The following TBC1D15 variants were observed in gnomAD, a reference collection of about 807,000 sequenced individuals.
The protein encoded by TBC1D15 is TBC1 domain family member 15.
In TBC1D15, 39 loss-of-function variants were observed where a neutral mutation model predicts 95.4. The ratio of observed to expected loss-of-function variants is 0.41; its 90% CI spans 0.32 to 0.53. The LOEUF (loss-of-function observed/expected upper bound fraction) is 0.53, where lower values mean the gene tolerates loss of function less well. TBC1D15 is among the 20% of genes least tolerant of loss of function. The pLI is 0.29. For synonymous variants in TBC1D15, 258 were observed against 261.3 expected (o/e 0.99, Z 0.12); for missense variants, 733 against 794.3 (o/e 0.92, Z 0.93).
At chr12:71,885,153 G>A in intron 5 of TBC1D15, 132 bp downstream of exon 5, 1 of 751,870 alleles carries the variant, frequency 1.3e-6, no homozygotes, top group Non-Finnish European at 2.1e-6. Flanking sequence ...AGTTTTTTCT[G>A]GGATATTGAT....
chr12:71,920,659 C>G (rs1425346011), intron 14 of TBC1D15, 72 bp from the exon 15 acceptor site: 11 of 1,172,518 alleles, frequency 9.4e-6, no homozygotes, highest in African/African-American at 1.5e-5. Context: ...ATTCAGTGTT[C>G]AGAATTGTAT....
intron 1 of TBC1D15, among the ~76,000 whole-genome samples, chr12:71,853,392 G>T (rs1888313284): frequency 6.6e-6 from 1 of 152,162 alleles, no homozygotes; most frequent in African/African-American, 2.4e-5. Flanking sequence ...TTTGGGCAGG[G>T]ACACAGATCC....
At chr12:71,906,923 T>A (rs971999631) in intron 10 of TBC1D15, 99 bp from the exon 11 acceptor site, 1 of 601,534 alleles carries the variant, frequency 1.7e-6, no homozygotes, top group Non-Finnish European at 2.7e-6. Flanking sequence ...GTGAGTGAAA[T>A]TAATAGCAAG....
At chr12:71,895,362 T>G (rs1897963916) in intron 7 of TBC1D15, among the ~76,000 whole-genome samples, 1 of 152,108 alleles carries the variant, frequency 6.6e-6, no homozygotes, top group Admixed American at 6.6e-5. Context: ...ATTCTAGGCT[T>G]GTACATAGTT....
At chr12:71,921,326 T>C (rs1330183396) in intron 15 of TBC1D15, 42 bp from the exon 16 acceptor site, 3 of 1,120,136 alleles carry the variant, frequency 2.7e-6, no homozygotes, top group Non-Finnish European at 2.6e-6. Context: ...TATAATAGTG[T>C]ATTCAGTTTC....
At chr12:71,851,677 C>A (rs1220595723) in intron 1 of TBC1D15, among the ~76,000 whole-genome samples, 1 of 152,212 alleles carries the variant, frequency 6.6e-6, no homozygotes, top group Non-Finnish European at 1.5e-5. Flanking sequence ...AGCCTGAAAC[C>A]CAGCAGGGCA....
chr12:71,900,740 T>G (rs1004798149), intron 10 of TBC1D15, among the ~76,000 whole-genome samples: 1 of 152,120 alleles, frequency 6.6e-6, no homozygotes, highest in Admixed American at 6.5e-5. Flanking sequence ...TGTGGTATGT[T>G]AGTGATACAT....
chr12:71,880,385 TACAA>T (rs1894894448), intron 3 of TBC1D15, 80 bp from the exon 4 acceptor site: 1 of 1,223,664 alleles, frequency 8.2e-7, no homozygotes. Context: ...GCAGCCTGCC[TACAA>T]ACATTGAAGC....
At chr12:71,912,444 G>A (rs1265257895) in intron 11 of TBC1D15, among the ~76,000 whole-genome samples, 3 of 151,782 alleles carry the variant, frequency 2.0e-5, no homozygotes, top group African/African-American at 7.3e-5. Context: ...GAAAGATGTG[G>A]TGGTAAGATG....
At chr12:71,875,891 G>A (rs1458363132) in intron 3 of TBC1D15, among the ~76,000 whole-genome samples, 2 of 151,974 alleles carry the variant, frequency 1.3e-5, no homozygotes, top group Non-Finnish European at 1.5e-5. Flanking sequence ...TCCACCTCCT[G>A]GGTTCAAGCG....
chr12:71,859,446 A>T (rs532109052), intron 1 of TBC1D15, among the ~76,000 whole-genome samples: 1,685 of 151,926 alleles, frequency 0.011, 30 homozygotes, highest in African/African-American at 0.039. Context: ...AGTTATTTTG[A>T]TGTAATCTTG....
chr12:71,840,683 G>A (rs146616040), intron 1 of TBC1D15, among the ~76,000 whole-genome samples: 1 of 152,314 alleles, frequency 6.6e-6, no homozygotes, highest in African/African-American at 2.4e-5. Flanking sequence ...AACACTAATG[G>A]TTGTTTACTC....
chr12:71,849,653 G>A (rs1887253416), intron 1 of TBC1D15: 15 of 569,182 alleles, frequency 2.6e-5, no homozygotes, highest in South Asian at 2.0e-4. Context: ...CTAGTCGGTA[G>A]TAGTTTTCCA....
intron 1 of TBC1D15, among the ~76,000 whole-genome samples, chr12:71,852,085 A>G (rs1283931543): frequency 6.6e-6 from 1 of 152,232 alleles, no homozygotes; most frequent in African/African-American, 2.4e-5. Context: ...TTCTAGGCAG[A>G]GACTCTCAAG....
chr12:71,886,421 C>T (rs971981833), intron 5 of TBC1D15, among the ~76,000 whole-genome samples: 3 of 152,328 alleles, frequency 2.0e-5, no homozygotes, highest in South Asian at 4.1e-4. Context: ...CTGCCTGCCT[C>T]GGCCTCCCGA....
At chr12:71,857,600 T>C (rs1287654605) in intron 1 of TBC1D15, among the ~76,000 whole-genome samples, 1 of 152,208 alleles carries the variant, frequency 6.6e-6, no homozygotes, top group African/African-American at 2.4e-5. Flanking sequence ...ATAATAATTG[T>C]ACATATTTAT....
At chr12:71,903,921 C>T (rs574304672) in intron 10 of TBC1D15, among the ~76,000 whole-genome samples, 11 of 152,202 alleles carry the variant, frequency 7.2e-5, no homozygotes, top group Admixed American at 3.3e-4. Flanking sequence ...ATTACCTGAG[C>T]GGCAAAGCTA....
chr12:71,860,371 C>A (rs546551619), intron 1 of TBC1D15, among the ~76,000 whole-genome samples: 39 of 152,276 alleles, frequency 2.6e-4, no homozygotes, highest in African/African-American at 8.9e-4. Context: ...AATATTAATT[C>A]TTCCAATCTA....
intron 1 of TBC1D15, among the ~76,000 whole-genome samples, chr12:71,846,835 A>T (rs927407028): frequency 7.1e-5 from 9 of 126,396 alleles, no homozygotes; most frequent in South Asian, 2.4e-4. Context: ...ATCTCGGCTT[A>T]CTGCAGCCTC....
Sources: gnomAD v4.1 joint callset for allele counts (sites outside exome capture counted in the v4.1 genomes callset) on GRCh38, gnomAD v4.1.1 for gene constraint, MANE v1.5 for transcripts, NCBI Gene and HGNC (gene_info 2026-07-23, HGNC 2026-07-21) for gene names.